RTN4: variants seen among roughly 807,000 people sequenced by gnomAD.
RTN4 encodes the protein reticulon 4.
In RTN4, 32 loss-of-function variants were observed where a neutral mutation model predicts 90.4. The observed-to-expected ratio is 0.35, with a 90% confidence interval of 0.27 to 0.48. The LOEUF is 0.48. Ranked by LOEUF, RTN4 falls within the 20% of genes least tolerant of loss-of-function variation. The probability of loss-of-function intolerance (pLI) is 0.99; values close to 1 mark genes in which losing one functional copy is unlikely to be tolerated. For missense variants in RTN4, 1,706 were observed against 1,430.2 expected (o/e 1.19, Z -3.11); for synonymous variants, 629 against 552.5 (o/e 1.14, Z -1.94).
upstream of RTN4, among the ~76,000 whole-genome samples, chr2:55,052,229 C>G (rs916062430): frequency 5.3e-5 from 8 of 152,130 alleles, no homozygotes; most frequent in Admixed American, 3.3e-4. Context: ...AATGATATAT[C>G]AATATCAGTT....
Position 54,973,620 on chromosome 2 carries a change from G to A in RTN4, c.3479C>T (p.Ala1160Val). The change falls in exon 8 of 9, where the codon GCA (alanine) becomes GTA (valine). Residue 1160 changes from alanine (A) to valine (V), a missense_variant and splice_region_variant. Transcript: ENST00000337526. ...AAGTCCTAGATAATGATCTATCTGT[G>A]CCTGAAAGAGAGGTATAAAGGAATT... Reference protein sequence around the residue: ...SVPVIYERHQAQIDHYLGLAN... With the variant: ...SVPVIYERHQVQIDHYLGLAN... The A allele has an allele frequency of 6.2e-7, 1 of 1,607,496 alleles. No individual in the cohort carries two copies. The highest frequency in any genetic ancestry group is 8.5e-7 in the Non-Finnish European group (1 of 1,174,140).
intron 3 of RTN4, among the ~76,000 whole-genome samples, chr2:55,022,330 C>T (rs1349554692): frequency 1.3e-5 from 2 of 152,158 alleles, no homozygotes; most frequent in Non-Finnish European, 2.9e-5. Flanking sequence ...TTTTACTGTG[C>T]TGTTTGAAAC....
chr2:55,130,911 G>T, the RTN4 span, among the ~76,000 whole-genome samples: 1 of 152,130 alleles, frequency 6.6e-6, no homozygotes. Flanking sequence ...CAAAAAGAAG[G>T]TATTAGGAAG....
intron 6 of RTN4, among the ~76,000 whole-genome samples, chr2:54,974,349 C>T (rs940806656): frequency 1.3e-5 from 2 of 152,200 alleles, no homozygotes; most frequent in African/African-American, 2.4e-5. Flanking sequence ...GCACGATCTC[C>T]GCTCACTGCA....
intron 1 of RTN4, among the ~76,000 whole-genome samples, chr2:55,108,010 G>A (rs1667974296): frequency 6.6e-6 from 1 of 151,808 alleles, no homozygotes; most frequent in Non-Finnish European, 1.5e-5. Flanking sequence ...AGGCTGGAGT[G>A]CAGTGGCACA....
At chr2:54,982,280 C>T (rs1046922144) in intron 5 of RTN4, among the ~76,000 whole-genome samples, 5 of 151,862 alleles carry the variant, frequency 3.3e-5, no homozygotes, top group African/African-American at 1.2e-4. Flanking sequence ...ATAACTTATT[C>T]TCCTTTAAAA....
intron 3 of RTN4, among the ~76,000 whole-genome samples, chr2:54,992,718 T>A (rs1292551502): frequency 6.6e-6 from 1 of 152,082 alleles, no homozygotes; most frequent in Non-Finnish European, 1.5e-5. Flanking sequence ...AACATGTCCA[T>A]AATGATAAAT....
intron 3 of RTN4, among the ~76,000 whole-genome samples, chr2:55,007,793 T>C (rs1356119350): frequency 6.6e-6 from 1 of 152,068 alleles, no homozygotes; most frequent in African/African-American, 2.4e-5. Context: ...CTAAATTTTC[T>C]ACATTCCTTG....
intron 3 of RTN4, among the ~76,000 whole-genome samples, chr2:55,014,132 C>T (rs2104806458): frequency 6.6e-6 from 1 of 152,090 alleles, no homozygotes; most frequent in South Asian, 2.1e-4. Context: ...AATATAATGC[C>T]CTCTATGGAC....
intron 3 of RTN4, among the ~76,000 whole-genome samples, chr2:55,010,886 T>C (rs1680582460): frequency 6.6e-6 from 1 of 152,220 alleles, no homozygotes; most frequent in Non-Finnish European, 1.5e-5. Context: ...CTCTTAATCA[T>C]CATCTGCTCC....
At chr2:55,106,068 A>G (rs1021475335) in intron 1 of RTN4, among the ~76,000 whole-genome samples, 1 of 152,128 alleles carries the variant, frequency 6.6e-6, no homozygotes, top group African/African-American at 2.4e-5. Flanking sequence ...TCAAAAGCAC[A>G]TATTCAATTA....
chr2:55,020,472 T>C (rs191143301), intron 3 of RTN4, among the ~76,000 whole-genome samples: 164 of 146,516 alleles, frequency 1.1e-3, no homozygotes, highest in African/African-American at 3.5e-3. Flanking sequence ...AGAACATTCA[T>C]TGATACTACT....
chr2:55,096,598 T>A (rs1667723346), intron 1 of RTN4, among the ~76,000 whole-genome samples: 2 of 152,234 alleles, frequency 1.3e-5, no homozygotes, highest in African/African-American at 4.8e-5. Context: ...AGCCTTTCTC[T>A]GGCTAAATAA....
chr2:55,049,516 T>G (rs1238223810), intron 1 of RTN4: 2 of 681,250 alleles, frequency 2.9e-6, no homozygotes, highest in South Asian at 3.5e-5. Flanking sequence ...CCGGGAGCGG[T>G]GCACGTGTTC....
At chr2:54,978,087 GC>G (rs1054354687) in intron 5 of RTN4, among the ~76,000 whole-genome samples, 7 of 152,166 alleles carry the variant, frequency 4.6e-5, no homozygotes, top group African/African-American at 1.7e-4. Context: ...GCTAGCAAGA[GC>G]GGCTCTAAAA....
chr2:55,081,436 T>C (rs1353378083), intron 1 of RTN4, among the ~76,000 whole-genome samples: 1 of 152,208 alleles, frequency 6.6e-6, no homozygotes, highest in Admixed American at 6.5e-5. Context: ...CTCTGTCTAA[T>C]TTAAATGGCA....
intron 3 of RTN4, among the ~76,000 whole-genome samples, chr2:55,013,239 A>G (rs1186981089): frequency 6.6e-6 from 1 of 152,148 alleles, no homozygotes; most frequent in African/African-American, 2.4e-5. Flanking sequence ...CCTGAACTCA[A>G]AATCAGCTTT....
Position 55,050,262 on chromosome 2 carries a change from C to A in RTN4, c.39G>T (p.Ser13=). 2.0e-6 allele frequency: 3 copies of A among 1,527,560 alleles called. No individual in the cohort carries two copies. Among genetic ancestry groups the A allele is most frequent in the Non-Finnish European group, 2.6e-6 (3 of 1,138,630 alleles). 94.6% of individuals were successfully genotyped at this position (1,527,560 alleles called of 1,614,324 possible). Reference sequence around the variant, plus strand: ...CGGGCTGCGGCCGGGGTGGGCTGTCCGAGGACGAGACCAGAGGAGACTGGT... The same window carrying A: ...CGGGCTGCGGCCGGGGTGGGCTGTCAGAGGACGAGACCAGAGGAGACTGGT... ...DLDQSPLVSS[S]DSPPRPQPAF... is the part of the protein sequence containing the mutation. Residue 13 remains serine, a synonymous_variant, in exon 1 of 9, where the codon TCG becomes TCT. Coordinates refer to ENST00000337526, the MANE Select transcript of RTN4 (RefSeq NM_020532.5). The surrounding 1 kb of genome is among the most constrained non-coding windows in gnomAD (Gnocchi z 4.6).
chr2:55,103,587 GGGTAT>G (rs1667890970), intron 1 of RTN4, among the ~76,000 whole-genome samples: 2 of 151,920 alleles, frequency 1.3e-5, no homozygotes, highest in African/African-American at 4.8e-5. Flanking sequence ...ATGGTTTTAT[GGGTAT>G]ATACTTATCC....
Sources: allele counts gnomAD v4.1 joint callset (sites outside exome capture counted in the v4.1 genomes callset), GRCh38; gene constraint gnomAD v4.1.1; non-coding constraint Gnocchi (gnomAD v3.1); transcripts MANE v1.5; gene names NCBI Gene and HGNC (gene_info 2026-07-23, HGNC 2026-07-21).